Variants in EYS observed in about 807,000 individuals in gnomAD.
The protein encoded by EYS is protein eyes shut homolog.
A neutral mutation model predicts 282.1 loss-of-function variants in EYS; 250 were observed. The observed-to-expected ratio is 0.89, with a 90% CI of 0.80 to 0.98. The LOEUF (loss-of-function observed/expected upper bound fraction) is 0.98, where lower values mean the gene tolerates loss of function less well. Ranked by LOEUF, EYS falls within the 50% of genes least tolerant of loss-of-function variation. The pLI, the probability that EYS is intolerant of heterozygous loss-of-function variation, is 0.00. For synonymous variants in EYS, 1,355 were observed against 1,282.9 expected (o/e 1.06, Z -1.20); for missense variants, 4,016 against 3,709.0 (o/e 1.08, Z -2.15).
intron 26 of EYS, among the ~76,000 whole-genome samples, chr6:64,517,772 GTTC>G (rs569505879): frequency 1.8e-3 from 266 of 151,966 alleles, no homozygotes; most frequent in African/African-American, 6.2e-3. Context: ...TAGCACACAT[GTTC>G]TTCTAATAAT....
intron 26 of EYS, among the ~76,000 whole-genome samples, chr6:64,579,319 A>C (rs1168238018): frequency 6.6e-6 from 1 of 152,110 alleles, no homozygotes. Context: ...CAAACAGTAT[A>C]TTGGAAGGAA....
At chr6:63,737,361 T>G (rs1768944593) in intron 41 of EYS, among the ~76,000 whole-genome samples, 2 of 151,996 alleles carry the variant, frequency 1.3e-5, no homozygotes, top group Non-Finnish European at 2.9e-5. Context: ...GGTTTTTGTC[T>G]TTGGTTCTGT....
intron 19 of EYS, among the ~76,000 whole-genome samples, chr6:64,874,748 G>T (rs748917803): frequency 1.4e-4 from 22 of 151,994 alleles, no homozygotes; most frequent in Non-Finnish European, 2.4e-4. Context: ...AAGTAAAGCT[G>T]GTGATTAGAA....
At chr6:63,970,366 T>C (rs937879903) in intron 35 of EYS, among the ~76,000 whole-genome samples, 6 of 152,218 alleles carry the variant, frequency 3.9e-5, no homozygotes, top group African/African-American at 1.4e-4. Flanking sequence ...TCTGGCCCAG[T>C]GGCTCACGCC....
chr6:64,346,804 G>A (rs1033893524), intron 29 of EYS, among the ~76,000 whole-genome samples: 2 of 151,390 alleles, frequency 1.3e-5, no homozygotes, highest in Non-Finnish European at 3.0e-5. Context: ...TTGATTGTAA[G>A]AAACATGAAA....
intron 12 of EYS, among the ~76,000 whole-genome samples, chr6:65,265,190 A>G (rs1193424967): frequency 1.3e-5 from 2 of 152,016 alleles, no homozygotes; most frequent in African/African-American, 2.4e-5. Flanking sequence ...AAACTTCAGT[A>G]TCATGCCCTA....
At chr6:63,782,742 CT>C (rs1305613347) in intron 39 of EYS, among the ~76,000 whole-genome samples, 1 of 152,136 alleles carries the variant, frequency 6.6e-6, no homozygotes, top group Admixed American at 6.5e-5. Context: ...TTTTGTGTCT[CT>C]ATCTCCTTCA....
intron 5 of EYS, among the ~76,000 whole-genome samples, chr6:65,478,172 T>TCA (rs1188805632): frequency 6.6e-6 from 1 of 152,098 alleles, no homozygotes; most frequent in African/African-American, 2.4e-5. Context: ...AAGAGAGACT[T>TCA]CATTCTAGAG....
intron 1 of EYS, among the ~76,000 whole-genome samples, chr6:65,688,780 T>C (rs1189718180): frequency 4.3e-4 from 66 of 151,952 alleles, no homozygotes; most frequent in Non-Finnish European, 7.2e-4. Flanking sequence ...AAAATGCTCA[T>C]CATCACTGGC....
chr6:64,157,375 T>C (rs3013160), intron 31 of EYS, among the ~76,000 whole-genome samples: 2 of 152,058 alleles, frequency 1.3e-5, no homozygotes, highest in South Asian at 4.1e-4. Flanking sequence ...GACAGTGTGA[T>C]AGAAAAGAAA....
chr6:65,626,884 T>C (rs534650675), intron 2 of EYS, among the ~76,000 whole-genome samples: 1 of 133,416 alleles, frequency 7.5e-6, no homozygotes, highest in Non-Finnish European at 1.8e-5. Context: ...TCAATGGAAA[T>C]GGGCATATTA....
intron 26 of EYS, among the ~76,000 whole-genome samples, chr6:64,524,243 A>G (rs1186276917): frequency 6.6e-6 from 1 of 151,770 alleles, no homozygotes; most frequent in Admixed American, 6.6e-5. Flanking sequence ...ATTTTTACAT[A>G]TAAAATGTTT....
chr6:64,871,353 A>G (rs899185824), intron 19 of EYS, among the ~76,000 whole-genome samples: 7 of 151,404 alleles, frequency 4.6e-5, no homozygotes, highest in Non-Finnish European at 8.9e-5. Context: ...TGTTTTGGTC[A>G]CAGAGTGGAA....
intron 32 of EYS, among the ~76,000 whole-genome samples, chr6:64,079,207 G>T (rs3013148): frequency 0.44 from 67,122 of 151,726 alleles, 17,033 homozygotes; most frequent in African/African-American, 0.7. Flanking sequence ...CTTTTGTATT[G>T]TCTTCTCTCT....
At chr6:64,699,187 C>G (rs1050594962) in intron 22 of EYS, among the ~76,000 whole-genome samples, 3 of 152,042 alleles carry the variant, frequency 2.0e-5, no homozygotes, top group African/African-American at 7.2e-5. Context: ...ATGGGTGGAG[C>G]TGGAGGCTTA....
chr6:64,686,795 ATATATATATGTGTG>A (rs1770136075), intron 22 of EYS, among the ~76,000 whole-genome samples: 2 of 58,624 alleles, frequency 3.4e-5, no homozygotes, highest in African/African-American at 1.0e-4. Context: ...ATATGTGTGT[ATATATATATGTGTG>A]TATATATATA....
chr6:64,150,739 T>C (rs1411883372), intron 31 of EYS, among the ~76,000 whole-genome samples: 5 of 152,154 alleles, frequency 3.3e-5, no homozygotes, highest in African/African-American at 1.2e-4. Flanking sequence ...CTCATGCCTA[T>C]AACATCAGCA....
intron 7 of EYS, among the ~76,000 whole-genome samples, chr6:65,395,401 G>A (rs1047192603): frequency 6.6e-6 from 1 of 152,080 alleles, no homozygotes; most frequent in African/African-American, 2.4e-5. Flanking sequence ...CAACTTTATC[G>A]AAGCATAATT....
In EYS at chr6:65,332,234, T is replaced by A. The variant is rs1582149858; in HGVS notation, c.1766+2746A>T. Reference sequence around the variant, plus strand: ...GTGAGATTCTGTAATACAATTTTTTTCTCCATCTACATTATCATGCATTTT... The same window carrying A: ...GTGAGATTCTGTAATACAATTTTTTACTCCATCTACATTATCATGCATTTT... On this transcript the variant is annotated intron_variant, in intron 11 of 42. Coordinates refer to ENST00000503581, the MANE Select transcript of EYS (RefSeq NM_001142800.2). The A allele has an allele frequency of 5.0e-6, 3 of 594,382 alleles. No homozygotes were observed. The East Asian group carries it at 8.5e-5, about 17-fold the overall frequency. 36.8% of individuals were successfully genotyped at this position (594,382 alleles called of 1,614,324 possible). A position where few individuals can be genotyped will look rare whatever the true frequency, so the allele number is the denominator to read the frequency against.
Sources: allele counts gnomAD v4.1 joint callset (sites outside exome capture counted in the v4.1 genomes callset), GRCh38; gene constraint gnomAD v4.1.1; transcripts MANE v1.5; gene names NCBI Gene and HGNC (gene_info 2026-07-23, HGNC 2026-07-21).